The following SNRNP40 variants were observed in gnomAD, a reference collection of about 807,000 sequenced individuals.
SNRNP40 encodes the protein small nuclear ribonucleoprotein U5 subunit 40.
SNRNP40 carries 21 observed loss-of-function variants against 45.8 expected under a neutral mutation model. The ratio of observed to expected loss-of-function variants is 0.46; its 90% CI spans 0.32 to 0.66. The LOEUF (loss-of-function observed/expected upper bound fraction) is 0.66, where lower values mean the gene tolerates loss of function less well. Ranked by LOEUF, SNRNP40 falls within the 30% of genes least tolerant of loss-of-function variation. The pLI is 0.03. For missense variants in SNRNP40, 344 were observed against 439.1 expected (o/e 0.78, Z 1.94); for synonymous variants, 142 against 163.8 (o/e 0.87, Z 1.01).
chr1:31,293,127 T>C (rs180828743), intron 2 of SNRNP40, 92 bp downstream of exon 2: 5 of 1,398,210 alleles, frequency 3.6e-6, no homozygotes, highest in African/African-American at 1.4e-5. Context: ...GTTGCCAACA[T>C]AGAGTGATAC....
intron 3 of SNRNP40, among the ~76,000 whole-genome samples, chr1:31,290,957 T>C (rs1465823063): frequency 6.6e-6 from 1 of 151,726 alleles, no homozygotes; most frequent in Non-Finnish European, 1.5e-5. Flanking sequence ...ACTAAACAGT[T>C]CTGAGTAGAA....
chr1:31,296,646 G>A lies in SNRNP40; in HGVS notation c.106C>T (p.Gln36Ter). 1.2e-6 allele frequency: 2 copies of A among 1,613,362 alleles called. No individual in the cohort carries two copies. The highest frequency in any genetic ancestry group is 1.7e-6 in the Non-Finnish European group (2 of 1,179,698). The change falls in exon 1 of 10, where the codon CAG (glutamine) becomes TAG (stop). Residue 36 changes from glutamine to a stop codon, truncating the protein, a stop_gained. Coordinates refer to ENST00000263694, the MANE Select transcript of SNRNP40 (RefSeq NM_004814.3). LOFTEE classifies it high-confidence loss of function. Reference protein sequence around the residue: ...LGAGSGPGAGQQQATPGALLQ... With the variant: ...LGAGSGPGAG ...AAGGCTCCCGGCGTCGCCTGCTGCT[G>A]CCCGGCTCCTGGGCCAGACCCCGCT... is the stretch of plus-strand genomic sequence containing the variant.
intron 3 of SNRNP40, among the ~76,000 whole-genome samples, chr1:31,290,038 C>A (rs748199381): frequency 6.6e-6 from 1 of 152,022 alleles, no homozygotes; most frequent in Admixed American, 6.6e-5. Context: ...TTTTAAAAAT[C>A]ATTTGTAGAG....
At chr1:31,279,951 T>C (rs1169757870) in intron 5 of SNRNP40, among the ~76,000 whole-genome samples, 1 of 144,052 alleles carries the variant, frequency 6.9e-6, no homozygotes, top group African/African-American at 2.6e-5. Context: ...TACTAAAAAA[T>C]ACAAAAATTA....
At position 31,261,989 on chromosome 1, in the gene SNRNP40, T is replaced by G. The variant is rs764389165; in HGVS notation, c.921-357A>C. ...AATTAGGCTACAGTTAACTTCATAC[T>G]CATCCAGGAAATCTAAAAGGTAACC... is the stretch of plus-strand genomic sequence containing the variant. On this transcript the variant is annotated intron_variant, in intron 8 of 9. Coordinates refer to ENST00000263694, the MANE Select transcript of SNRNP40 (RefSeq NM_004814.3). 2.0e-4 allele frequency among the ~76,000 whole-genome samples: 30 copies of G among 152,178 alleles called. 1 individual carries two copies. Among genetic ancestry groups the G allele is most frequent in the Admixed American group, 1.6e-3 (24 of 15,282 alleles).
At chr1:31,260,506 G>A (rs1645850897) in intron 9 of SNRNP40, among the ~76,000 whole-genome samples, 1 of 151,986 alleles carries the variant, frequency 6.6e-6, no homozygotes, top group African/African-American at 2.4e-5. Context: ...ATTCAAGGCT[G>A]AAATTATTTG....
intron 8 of SNRNP40, among the ~76,000 whole-genome samples, chr1:31,266,715 C>G (rs1557673354): frequency 6.6e-6 from 1 of 152,210 alleles, no homozygotes; most frequent in East Asian, 1.9e-4. Context: ...TCCCACTAAC[C>G]CAGACACAGC....
intron 3 of SNRNP40, among the ~76,000 whole-genome samples, chr1:31,289,945 G>C (rs776871465): frequency 1.3e-5 from 2 of 151,756 alleles, no homozygotes; most frequent in Non-Finnish European, 2.9e-5. Context: ...CTGCAGCCTC[G>C]ACCTCCTGGG....
chr1:31,282,605 A>ATCTG (rs1478797672), intron 4 of SNRNP40: 1 of 143,886 alleles, frequency 6.9e-6, no homozygotes, highest in East Asian at 2.0e-4. Flanking sequence ...CTATCTATCT[A>ATCTG]TCTATCTATC....
At chr1:31,284,912 T>A (rs1646046300) in intron 4 of SNRNP40, among the ~76,000 whole-genome samples, 1 of 152,120 alleles carries the variant, frequency 6.6e-6, no homozygotes, top group African/African-American at 2.4e-5. Context: ...CTCCCCCAAC[T>A]CCTGTGGTTA....
intron 8 of SNRNP40, among the ~76,000 whole-genome samples, chr1:31,264,508 C>A (rs1645882800): frequency 6.6e-6 from 1 of 152,132 alleles, no homozygotes; most frequent in Non-Finnish European, 1.5e-5. Context: ...AATTGCAGAT[C>A]ATTTAACTTC....
At chr1:31,291,866 C>CCAG in intron 3 of SNRNP40, 47 bp downstream of exon 3, 1 of 1,295,270 alleles carries the variant, frequency 7.7e-7, no homozygotes, top group Non-Finnish European at 1.1e-6. Context: ...GAAAGGACGC[C>CCAG]AAGAATTAGT....
chr1:31,263,046 T>TACAGC (rs1247495968), intron 8 of SNRNP40, among the ~76,000 whole-genome samples: 4 of 144,794 alleles, frequency 2.8e-5, no homozygotes, highest in Non-Finnish European at 6.1e-5. Context: ...ATAATAAAGG[T>TACAGC]AATGTAAGAG....
intron 8 of SNRNP40, among the ~76,000 whole-genome samples, chr1:31,262,845 C>T (rs1047283599): frequency 1.3e-5 from 2 of 151,624 alleles, no homozygotes; most frequent in Non-Finnish European, 2.9e-5. Flanking sequence ...CCCATCTCTA[C>T]AAAAAAATTA....
chr1:31,260,306 T>C (rs76752296), intron 9 of SNRNP40, among the ~76,000 whole-genome samples, 185 bp from the exon 10 acceptor site: 3,445 of 152,202 alleles, frequency 0.023, 118 homozygotes, highest in African/African-American at 0.078. Flanking sequence ...TCTAATATCA[T>C]GAGGATGACT....
At chr1:31,273,810 C>T (rs985357519) in intron 5 of SNRNP40, among the ~76,000 whole-genome samples, 5 of 151,958 alleles carry the variant, frequency 3.3e-5, no homozygotes, top group East Asian at 1.9e-4. Flanking sequence ...AAACTTAAGA[C>T]GTTTAAACAA....
chr1:31,263,276 T>C (rs12725881), intron 8 of SNRNP40: 68,994 of 151,968 alleles, frequency 0.45, 19,336 homozygotes, highest in Non-Finnish European at 0.63. Context: ...ATTTTTATCA[T>C]CACAGGCCAT....
At chr1:31,276,556 A>G (rs1012618487) in intron 5 of SNRNP40, among the ~76,000 whole-genome samples, 2 of 152,100 alleles carry the variant, frequency 1.3e-5, no homozygotes, top group Non-Finnish European at 2.9e-5. Context: ...GGGGTGGGGG[A>G]TTCCTGACAA....
chr1:31,289,310 G>A lies in SNRNP40; in HGVS notation c.475C>T (p.Pro159Ser). The stretch of plus-strand genomic sequence containing the variant: ...ACAAGCTGAGGGCCTCTCCTGGCTG[G>A]ATAACAGGAATTCACAAAGGAAGTA... The part of the protein sequence containing the change: ...GHTSFVNSCY[P>S]ARRGPQLVCT... Residue 159 changes from proline (P) to serine (S), a missense_variant, in exon 4 of 10, where the codon CCA becomes TCA. Physicochemically the swap from Pro to Ser is moderately conservative, Grantham distance 74. Coordinates refer to ENST00000263694, the MANE Select transcript of SNRNP40 (RefSeq NM_004814.3). The A allele has an allele frequency of 1.2e-6, 2 of 1,613,722 alleles. No individual in the cohort carries two copies. The highest frequency in any genetic ancestry group is 1.7e-6 in the Non-Finnish European group (2 of 1,179,624).
Sources: gnomAD v4.1 joint callset for allele counts (sites outside exome capture counted in the v4.1 genomes callset) on GRCh38, gnomAD v4.1.1 for gene constraint, MANE v1.5 for transcripts, NCBI Gene and HGNC (gene_info 2026-07-23, HGNC 2026-07-21) for gene names.